The following EXOC6B variants were observed in gnomAD, a reference collection of about 807,000 sequenced individuals.
The protein encoded by EXOC6B is exocyst complex component 6B, also known as SEC15 homolog B.
In EXOC6B, 54 loss-of-function variants were observed where a neutral mutation model predicts 113.5. The observed-to-expected ratio is 0.48, with a 90% CI of 0.38 to 0.60. EXOC6B has a LOEUF of 0.60. Ranked by LOEUF, EXOC6B falls within the 20% of genes least tolerant of loss-of-function variation. The probability of loss-of-function intolerance (pLI) is 0.00; values close to 1 mark genes in which losing one functional copy is unlikely to be tolerated. For missense variants in EXOC6B, 797 were observed against 977.5 expected (o/e 0.82, Z 2.46); for synonymous variants, 357 against 339.0 (o/e 1.05, Z -0.58).
At chr2:72,757,786 G>A (rs1682512044) in intron 1 of EXOC6B, among the ~76,000 whole-genome samples, 1 of 152,132 alleles carries the variant, frequency 6.6e-6, no homozygotes, top group Admixed American at 6.5e-5. Flanking sequence ...AATCACCACT[G>A]GTCAGAATTT....
chr2:72,660,854 T>C (rs1674963528), intron 6 of EXOC6B, among the ~76,000 whole-genome samples: 1 of 151,694 alleles, frequency 6.6e-6, no homozygotes, highest in South Asian at 2.1e-4. Flanking sequence ...TCTCCTAGCC[T>C]GGACTCAATG....
chr2:72,212,879 T>C (rs1427445805), intron 20 of EXOC6B, among the ~76,000 whole-genome samples: 1 of 152,226 alleles, frequency 6.6e-6, no homozygotes, highest in East Asian at 1.9e-4. Flanking sequence ...TTTCCAAAGA[T>C]GGCTGCAACA....
chr2:72,611,423 G>T (rs1671068232), intron 6 of EXOC6B, among the ~76,000 whole-genome samples: 1 of 151,490 alleles, frequency 6.6e-6, no homozygotes, highest in Non-Finnish European at 1.5e-5. Context: ...AACCATTACA[G>T]ACCTAAAGAG....
chr2:72,746,973 T>A (rs1261940815), intron 1 of EXOC6B, among the ~76,000 whole-genome samples: 3 of 151,986 alleles, frequency 2.0e-5, no homozygotes, highest in African/African-American at 7.2e-5. Flanking sequence ...AATTAATTGC[T>A]TGCTACGATA....
intron 15 of EXOC6B, among the ~76,000 whole-genome samples, chr2:72,493,689 C>T (rs1168568120): frequency 6.6e-6 from 1 of 151,700 alleles, no homozygotes; most frequent in Non-Finnish European, 1.5e-5. Context: ...ATAGAAATGC[C>T]ATGTGTTTGC....
intron 6 of EXOC6B, among the ~76,000 whole-genome samples, chr2:72,617,407 G>T (rs1329206263): frequency 6.6e-6 from 1 of 151,980 alleles, no homozygotes; most frequent in Admixed American, 6.6e-5. Context: ...CTTAGCAGAG[G>T]TTCTCCATGA....
At chr2:72,654,557 G>A (rs922072711) in intron 6 of EXOC6B, among the ~76,000 whole-genome samples, 11 of 152,310 alleles carry the variant, frequency 7.2e-5, no homozygotes, top group Admixed American at 7.2e-4. Context: ...CTCCTCCAGA[G>A]ATGTAAATTA....
At chr2:72,413,900 A>T (rs150743451) in intron 18 of EXOC6B, among the ~76,000 whole-genome samples, 1 of 152,270 alleles carries the variant, frequency 6.6e-6, no homozygotes, top group East Asian at 1.9e-4. Flanking sequence ...TCAGTCTAAG[A>T]TCAGTTTAGC....
chr2:72,413,860 A>G (rs1049354281), intron 18 of EXOC6B, among the ~76,000 whole-genome samples: 2 of 152,092 alleles, frequency 1.3e-5, no homozygotes, highest in African/African-American at 4.8e-5. Flanking sequence ...CAAGTTGTCT[A>G]GTGATATTGA....
rs149865694 is a variant in EXOC6B at position 72,638,567 on chromosome 2, G to A, written c.670-62899C>T. On this transcript the variant is annotated intron_variant, in intron 6 of 21. Coordinates refer to ENST00000272427, the MANE Select transcript of EXOC6B (RefSeq NM_015189.3). ...ATGAGGCTGCAGCATACCCGGACTCGTTCCTGGCCCACAATAGCCCCAGGA... is the reference window on the plus strand; with the variant it reads ...ATGAGGCTGCAGCATACCCGGACTCATTCCTGGCCCACAATAGCCCCAGGA... 1.9e-3 allele frequency among the ~76,000 whole-genome samples: 285 copies of A among 152,282 alleles called. 2 individuals carry two copies. The highest frequency in any genetic ancestry group is 5.8e-3 in the African/African-American group (241 of 41,564).
chr2:72,401,150 T>C (rs1387562245), intron 18 of EXOC6B, among the ~76,000 whole-genome samples: 1 of 151,552 alleles, frequency 6.6e-6, no homozygotes, highest in Non-Finnish European at 1.5e-5. Context: ...CTCAAAGAGA[T>C]GAGTTCCATA....
At chr2:72,725,957 G>T (rs1424209012) in intron 5 of EXOC6B, among the ~76,000 whole-genome samples, 1 of 152,162 alleles carries the variant, frequency 6.6e-6, no homozygotes. Flanking sequence ...ATTCGTAATA[G>T]TTAAAAAGTG....
intron 17 of EXOC6B, among the ~76,000 whole-genome samples, chr2:72,469,408 T>C (rs1558699776): frequency 6.6e-6 from 1 of 152,096 alleles, no homozygotes; most frequent in Non-Finnish European, 1.5e-5. Flanking sequence ...ATTTAGATCC[T>C]TCTTCTTTCT....
chr2:72,477,106 G>T (rs1698799940), intron 17 of EXOC6B, among the ~76,000 whole-genome samples: 1 of 152,134 alleles, frequency 6.6e-6, no homozygotes, highest in African/African-American at 2.4e-5. Flanking sequence ...AATCCCAGAA[G>T]AAAGTCCATC....
At chr2:72,672,081 T>C (rs1403405362) in intron 6 of EXOC6B, among the ~76,000 whole-genome samples, 1 of 151,746 alleles carries the variant, frequency 6.6e-6, no homozygotes, top group South Asian at 2.1e-4. Flanking sequence ...GGTACCCTCA[T>C]ACATTGTTGG....
rs182897062 is a variant in EXOC6B, at chr2:72,534,195, C to T, written c.916-19069G>A. ...GCTTACGGCTATAACTATGTAGGGTCAAACCAAAAAAAAAATGACAAAAAT... is the reference window on the plus strand; with the variant it reads ...GCTTACGGCTATAACTATGTAGGGTTAAACCAAAAAAAAAATGACAAAAAT... On this transcript the variant is annotated intron_variant, in intron 8 of 21. Transcript: ENST00000272427. 1.3e-3 allele frequency among the ~76,000 whole-genome samples: 203 copies of T among 150,430 alleles called. 1 individual carries two copies. Among genetic ancestry groups the T allele is most frequent in the African/African-American group, 4.6e-3 (187 of 41,000 alleles).
Position 72,825,762 on chromosome 2 carries a change from G to A in EXOC6B, c.113+36C>T. The A allele has an allele frequency of 9.1e-7, 1 of 1,095,898 alleles. No homozygotes were observed. Among genetic ancestry groups the A allele is most frequent in the South Asian group, 1.2e-5 (1 of 80,972 alleles). The allele number at this position is 1,095,898 out of a possible 1,614,324, so 67.9% of individuals were successfully genotyped here. ...CAGAGGAGCCTGCCCCGTCCCGCCC[G>A]TTCCCGCCCCTCTGTGGTCCCGGCA... On this transcript the variant is annotated intron_variant, in intron 1 of 21. Coordinates refer to ENST00000272427, the MANE Select transcript of EXOC6B (RefSeq NM_015189.3). This position sits in a 1 kb window ranked among gnomAD's most constrained non-coding sequence, Gnocchi z 4.4.
chr2:72,559,539 T>C lies in EXOC6B; in HGVS notation c.847-18A>G. ...CCAGGTACCTGCAAACACAAGATTA[T>C]AACAAAAAAATTCAAACAAAGCTAT... is the stretch of plus-strand genomic sequence containing the variant. On this transcript the variant is annotated intron_variant, in intron 7 of 21. Coordinates refer to ENST00000272427, the MANE Select transcript of EXOC6B (RefSeq NM_015189.3). 1 of 1,602,032 alleles carries C rather than the reference T, an allele frequency of 6.2e-7. No homozygotes were observed. Among genetic ancestry groups the C allele is most frequent in the South Asian group, 1.1e-5 (1 of 88,718 alleles).
At chr2:72,431,486 T>TATCTATCTATCC (rs1219482422) in intron 18 of EXOC6B, among the ~76,000 whole-genome samples, 1 of 21,746 alleles carries the variant, frequency 4.6e-5, no homozygotes, top group African/African-American at 2.5e-4. Flanking sequence ...TTGATTTCTT[T>TATCTATCTATCC]ATCTATCTAT....
Sources: allele counts gnomAD v4.1 joint callset (sites outside exome capture counted in the v4.1 genomes callset), GRCh38; gene constraint gnomAD v4.1.1; non-coding constraint Gnocchi (gnomAD v3.1); transcripts MANE v1.5; gene names NCBI Gene and HGNC (gene_info 2026-07-23, HGNC 2026-07-21).